Variants in ACSS3 observed in about 807,000 individuals in gnomAD.
ACSS3 encodes acyl-CoA synthetase short chain family member 3, also known as acyl-CoA synthetase short-chain family member 3, mitochondrial.
Under a neutral mutation model 84.2 loss-of-function variants are expected in ACSS3, and 64 were observed. That is an observed-to-expected ratio of 0.76 (90% confidence interval 0.62 to 0.94). ACSS3 has a LOEUF of 0.94. Ranked by LOEUF, ACSS3 falls within the 40% of genes least tolerant of loss-of-function variation. The pLI, the probability that ACSS3 is intolerant of heterozygous loss-of-function variation, is 0.00. For missense variants in ACSS3, 815 were observed against 867.6 expected, an observed-to-expected ratio of 0.94 and a Z score of 0.76; for synonymous variants, 317 against 310.1, an observed-to-expected ratio of 1.02 and a Z score of -0.23.
intron 9 of ACSS3, among the ~76,000 whole-genome samples, chr12:81,204,728 A>G (rs2135910870): frequency 6.6e-6 from 1 of 152,278 alleles, no homozygotes; most frequent in East Asian, 1.9e-4. Context: ...TACCATCAGA[A>G]GATCTAGAGC....
At chr12:81,142,285 C>T (rs576713704) in intron 4 of ACSS3, among the ~76,000 whole-genome samples, 1 of 152,290 alleles carries the variant, frequency 6.6e-6, no homozygotes, top group South Asian at 2.1e-4. Flanking sequence ...GCTCAGCTAA[C>T]ATCTAAGAAA....
intron 1 of ACSS3, among the ~76,000 whole-genome samples, chr12:81,106,345 T>C (rs1004871298): frequency 2.0e-5 from 3 of 152,224 alleles, no homozygotes; most frequent in Non-Finnish European, 4.4e-5. Flanking sequence ...CCTGATGATT[T>C]GTCGCTGTCT....
chr12:81,183,092 CTT>C (rs2031043093), intron 8 of ACSS3, among the ~76,000 whole-genome samples: 1 of 152,116 alleles, frequency 6.6e-6, no homozygotes. Context: ...AGAGAGGAGA[CTT>C]TATTATCCAT....
At chr12:81,085,831 T>C (rs1343118756) in intron 1 of ACSS3, among the ~76,000 whole-genome samples, 1 of 152,186 alleles carries the variant, frequency 6.6e-6, no homozygotes, top group African/African-American at 2.4e-5. Flanking sequence ...AAGTTGATGG[T>C]TATAGTATCG....
In ACSS3 at chr12:81,216,923, G is replaced by A. The variant is rs61742651; in HGVS notation, c.1377G>A (p.Ala459=). The A allele has an allele frequency of 0.038, 60,605 of 1,610,030 alleles. 1,285 individuals are homozygous for A. The highest frequency in any genetic ancestry group is 0.045 in the Non-Finnish European group (52,415 of 1,176,964). Residue 459 remains alanine (A), a synonymous_variant, in exon 10 of 16, where the codon GCG becomes GCA. Coordinates refer to ENST00000548058, the MANE Select transcript of ACSS3 (RefSeq NM_024560.4). ...CAGAGACTGGATCTCCAATTACTGCGTCATGTGTTGGATTAGGCAATTCTA... is the reference window on the plus strand; with the variant it reads ...CAGAGACTGGATCTCCAATTACTGCATCATGTGTTGGATTAGGCAATTCTA... ...WQTETGSPIT[A]SCVGLGNSKT...
rs1462536876 is a variant in ACSS3, at chr12:81,143,238, G to A, written c.912G>A (p.Gly304=). 1.9e-6 allele frequency: 3 copies of A among 1,594,228 alleles called. No homozygotes were observed. The highest frequency in any genetic ancestry group is 2.6e-6 in the Non-Finnish European group (3 of 1,166,602). ...TTCTTTACACATCTGGCACAACGGGGTTACCTAAGGTACTCACTCTCTTAG... is the reference window on the plus strand; with the variant it reads ...TTCTTTACACATCTGGCACAACGGGATTACCTAAGGTACTCACTCTCTTAG... ...LYILYTSGTT[G]LPKGVIRPTG... is the part of the protein sequence containing the mutation. The change falls in exon 5 of 16, where the codon GGG becomes GGA. Residue 304 remains glycine (G), a synonymous_variant. Coordinates refer to ENST00000548058, the MANE Select transcript of ACSS3 (RefSeq NM_024560.4).
chr12:81,130,233 T>G (rs1885400018), intron 2 of ACSS3, among the ~76,000 whole-genome samples: 1 of 150,790 alleles, frequency 6.6e-6, no homozygotes, highest in Admixed American at 6.6e-5. Flanking sequence ...TTAGTTTACA[T>G]TCCCACCAGC....
At chr12:81,162,517 C>T (rs1383002907) in intron 7 of ACSS3, among the ~76,000 whole-genome samples, 7 of 152,162 alleles carry the variant, frequency 4.6e-5, no homozygotes, top group Non-Finnish European at 8.8e-5. Flanking sequence ...TATTAGCAGC[C>T]ATGGATGGCC....
chr12:81,239,095 A>C (rs535223542), intron 13 of ACSS3, among the ~76,000 whole-genome samples: 2 of 151,944 alleles, frequency 1.3e-5, no homozygotes, highest in Non-Finnish European at 2.9e-5. Flanking sequence ...TTTTTCTTGA[A>C]ATATCTTCTT....
At chr12:81,241,248 G>A (rs1315308677) in intron 13 of ACSS3, among the ~76,000 whole-genome samples, 1 of 151,930 alleles carries the variant, frequency 6.6e-6, no homozygotes, top group African/African-American at 2.4e-5. Context: ...TTGGACATTT[G>A]GGTTGGTTCC....
chr12:81,087,005 A>G (rs886847894), intron 1 of ACSS3, among the ~76,000 whole-genome samples: 3 of 152,268 alleles, frequency 2.0e-5, no homozygotes, highest in Non-Finnish European at 2.9e-5. Flanking sequence ...TAGTTGAATG[A>G]GGTAAGGAAC....
chr12:81,230,094 A>C (rs2033407128), intron 11 of ACSS3, among the ~76,000 whole-genome samples: 1 of 151,792 alleles, frequency 6.6e-6, no homozygotes, highest in Admixed American at 6.6e-5. Flanking sequence ...CTTCATTTTC[A>C]ATTTTCTCAG....
chr12:81,189,970 T>A lies in ACSS3; in HGVS notation c.1251-9371T>A, dbSNP rs956253728. ...CTGCTGTGCAGCAACACTTTTGTCA[T>A]GACAGTGCCTACAAATACCTCATTT... On this transcript the variant is annotated intron_variant, in intron 8 of 15. Transcript: ENST00000548058. Among the ~76,000 whole-genome samples, 4 of 152,300 alleles carry A rather than the reference T, an allele frequency of 2.6e-5. 1 individual carries two copies. The highest frequency in any genetic ancestry group is 2.6e-4 in the Admixed American group (4 of 15,300).
chr12:81,170,916 T>C (rs2135809273), intron 7 of ACSS3, among the ~76,000 whole-genome samples: 1 of 152,210 alleles, frequency 6.6e-6, no homozygotes, highest in African/African-American at 2.4e-5. Flanking sequence ...ATAAAATAAA[T>C]AAGCCATTGA....
intron 13 of ACSS3, among the ~76,000 whole-genome samples, chr12:81,251,666 T>C (rs1296832779): frequency 4.6e-5 from 1 of 21,826 alleles, no homozygotes; most frequent in African/African-American, 1.3e-4. Flanking sequence ...ACCCCATCTC[T>C]ACAAAAAAAA....
chr12:81,130,564 A>G lies in ACSS3; in HGVS notation c.457-4252A>G, dbSNP rs983414131. ...ATGGATAGATTGCAAAAATTTTCTC[A>G]CATTCTGTAGGTTGCATGTTCACTC... On this transcript the variant is annotated intron_variant, in intron 2 of 15. Coordinates refer to ENST00000548058, the MANE Select transcript of ACSS3 (RefSeq NM_024560.4). Among the ~76,000 whole-genome samples the G allele has an allele frequency of 1.2e-4, 18 of 151,994 alleles. No individual in the cohort carries two copies. In the South Asian group the frequency reaches 3.5e-3, roughly 30 times the overall value.
chr12:81,239,818 T>C (rs1470864814), intron 13 of ACSS3, among the ~76,000 whole-genome samples: 2 of 151,960 alleles, frequency 1.3e-5, no homozygotes, highest in Non-Finnish European at 2.9e-5. Context: ...AATTTTCTTG[T>C]TCTCAATTTA....
chr12:81,135,030 A>G lies in ACSS3; in HGVS notation c.645+26A>G, dbSNP rs1261759358. 5.2e-6 allele frequency: 8 copies of G among 1,538,302 alleles called. No individual in the cohort carries two copies. In the Admixed American group the frequency reaches 1.5e-4, roughly 28 times the overall value. ...GTAAGTGCTTTATTTTGGGAAATCA[A>G]GTAGTAGCTATGTATAATTTAGTCA... is the stretch of plus-strand genomic sequence containing the variant. On this transcript the variant is annotated intron_variant, in intron 3 of 15. Coordinates refer to ENST00000548058, the MANE Select transcript of ACSS3 (RefSeq NM_024560.4).
intron 12 of ACSS3, among the ~76,000 whole-genome samples, chr12:81,233,102 C>G (rs1404454372): frequency 6.6e-6 from 1 of 151,734 alleles, no homozygotes; most frequent in Non-Finnish European, 1.5e-5. Context: ...ATAAACTTTA[C>G]AACTCTATAT....
Sources: allele counts gnomAD v4.1 joint callset (sites outside exome capture counted in the v4.1 genomes callset), GRCh38; gene constraint gnomAD v4.1.1; transcripts MANE v1.5; gene names NCBI Gene and HGNC (gene_info 2026-07-23, HGNC 2026-07-21).